Variants in PXDN observed in about 807,000 individuals in gnomAD.
The protein encoded by PXDN is peroxidasin homolog.
In PXDN, 77 loss-of-function variants were observed where a neutral mutation model predicts 140.3. That is an observed-to-expected ratio of 0.55 (90% CI 0.46 to 0.66). PXDN has a LOEUF of 0.66. Ranked by LOEUF, PXDN falls within the 30% of genes least tolerant of loss-of-function variation. The probability of loss-of-function intolerance (pLI) is 0.00; values close to 1 mark genes in which losing one functional copy is unlikely to be tolerated. For synonymous variants in PXDN, 911 were observed against 857.4 expected (o/e 1.06, Z -1.09); for missense variants, 1,838 against 2,039.5 (o/e 0.90, Z 1.90).
chr2:1,697,215 G>A (rs1684318259), intron 1 of PXDN, among the ~76,000 whole-genome samples: 2 of 152,148 alleles, frequency 1.3e-5, no homozygotes, highest in African/African-American at 2.4e-5. Flanking sequence ...AAGATATAAC[G>A]CAAATACACA....
chr2:1,738,774 C>T (rs1287494429), intron 1 of PXDN, among the ~76,000 whole-genome samples: 1 of 152,058 alleles, frequency 6.6e-6, no homozygotes, highest in African/African-American at 2.4e-5. Flanking sequence ...TTCGAACTCC[C>T]GAGCTCAGGC....
In PXDN at chr2:1,687,760, C is replaced by T. The variant is rs929640223; in HGVS notation, c.345-57G>A. ...CACAGACAGGAGGTCAAACTTCAGA[C>T]GGAAAAGAAGAATTAAATTGACACA... is the stretch of plus-strand genomic sequence containing the variant. On this transcript the variant is annotated intron_variant, in intron 3 of 22. Transcript: ENST00000252804. The surrounding 1 kb of genome is among the most constrained non-coding windows in gnomAD (Gnocchi z 4.0). 32 of 1,310,062 alleles carry T rather than the reference C, an allele frequency of 2.4e-5. No homozygotes were observed. Among genetic ancestry groups the T allele is most frequent in the East Asian group, 2.4e-4 (10 of 41,104 alleles). The allele number at this position is 1,310,062 out of a possible 1,614,324, so 81.2% of individuals were successfully genotyped here.
intron 9 of PXDN, 42 bp from the exon 10 acceptor site, chr2:1,666,528 T>C: frequency 2.6e-6 from 4 of 1,542,746 alleles, no homozygotes; most frequent in Non-Finnish European, 3.5e-6. Flanking sequence ...TTTCTCCCGG[T>C]TTGACATGGT....
At chr2:1,664,792 G>T (rs1447095487) in intron 11 of PXDN, 166 bp downstream of exon 11, 4 of 606,096 alleles carry the variant, frequency 6.6e-6, no homozygotes, top group East Asian at 2.8e-5. Context: ...AAGCCGCGGG[G>T]GATGTGCAGA....
At chr2:1,666,521 C>T (rs1368466165) in intron 9 of PXDN, 35 bp from the exon 10 acceptor site, 2 of 1,559,556 alleles carry the variant, frequency 1.3e-6, no homozygotes, top group Non-Finnish European at 1.7e-6. Context: ...CAATTAATTT[C>T]TCCCGGTTTG....
chr2:1,676,695 C>A, intron 8 of PXDN: 2 of 571,288 alleles, frequency 3.5e-6, no homozygotes, highest in East Asian at 2.9e-5. Context: ...CCAGGGCACC[C>A]CTGTGCTGCC....
intron 1 of PXDN, among the ~76,000 whole-genome samples, chr2:1,736,048 C>T (rs1685418646): frequency 6.6e-6 from 1 of 152,206 alleles, no homozygotes; most frequent in Non-Finnish European, 1.5e-5. Context: ...TCTCTGCTAG[C>T]TCCAAACGTT....
rs534103888 is a variant in PXDN, at chr2:1,632,264, G to A, written c.*1940C>T. The A allele has an allele frequency of 2.2e-4, 33 of 152,266 alleles. No individual in the cohort carries two copies. The highest frequency in any genetic ancestry group is 6.7e-4 in the African/African-American group (28 of 41,548). The allele number at this position is 152,266 out of a possible 1,614,324, so 9.4% of individuals were successfully genotyped here. A position where few individuals can be genotyped will look rare whatever the true frequency, so the allele number is the denominator to read the frequency against. The stretch of plus-strand genomic sequence containing the variant: ...TACGCAGGTGTGCTACAGGTGTGCC[G>A]CCTCAGCACTGAGACCATGAGGCCT... On this transcript the variant is annotated 3_prime_UTR_variant, in exon 23 of 23. Coordinates refer to ENST00000252804, the MANE Select transcript of PXDN (RefSeq NM_012293.3). The surrounding 1 kb of genome is among the most constrained non-coding windows in gnomAD (Gnocchi z 4.3).
intron 10 of PXDN, among the ~76,000 whole-genome samples, chr2:1,665,867 G>A (rs898046891): frequency 6.6e-6 from 1 of 152,186 alleles, no homozygotes; most frequent in Non-Finnish European, 1.5e-5. Context: ...CTGTCTGCAA[G>A]GTGTATCAAC....
At chr2:1,723,788 C>T (rs1685110857) in intron 1 of PXDN, among the ~76,000 whole-genome samples, 1 of 151,932 alleles carries the variant, frequency 6.6e-6, no homozygotes, top group East Asian at 1.9e-4. Context: ...GAAAATTATA[C>T]AATGAAAAAA....
chr2:1,654,923 G>A (rs936619447), intron 14 of PXDN, among the ~76,000 whole-genome samples: 5 of 151,906 alleles, frequency 3.3e-5, no homozygotes, highest in East Asian at 1.9e-4. Flanking sequence ...CCTGGACTCC[G>A]GGATCCTAAC....
At chr2:1,658,058 CT>C (rs1558494338) in intron 14 of PXDN, among the ~76,000 whole-genome samples, 10,512 of 126,858 alleles carry the variant, frequency 0.083, 1,880 homozygotes, top group East Asian at 0.14. Context: ...CTCTCTCTCT[CT>C]CTCTCTCTCT....
chr2:1,647,923 T>C (rs1171991643), intron 17 of PXDN, among the ~76,000 whole-genome samples: 3 of 152,126 alleles, frequency 2.0e-5, no homozygotes, highest in African/African-American at 7.2e-5. Flanking sequence ...AGCTCCTCTC[T>C]TGGAACAAAA....
In PXDN at chr2:1,651,464, C is replaced by T. The variant is rs148610984; in HGVS notation, c.2105-1789G>A. ...GAAAATGCATCAAACCATGTTGCTT[C>T]TCTGCAGGAAACCCTAAGGTTCCCA... On this transcript the variant is annotated intron_variant, in intron 16 of 22. Coordinates refer to ENST00000252804, the MANE Select transcript of PXDN (RefSeq NM_012293.3). This position sits in a 1 kb window ranked among gnomAD's most constrained non-coding sequence, Gnocchi z 4.4. 5.4e-4 allele frequency among the ~76,000 whole-genome samples: 83 copies of T among 152,312 alleles called. No individual in the cohort carries two copies. The East Asian group carries it at 0.011, about 21-fold the overall frequency.
intron 1 of PXDN, among the ~76,000 whole-genome samples, chr2:1,706,461 G>A (rs568468774): frequency 9.1e-4 from 139 of 152,012 alleles, no homozygotes; most frequent in African/African-American, 3.2e-3. Flanking sequence ...ACGCTGCAGT[G>A]TTCACCAATC....
intron 19 of PXDN, among the ~76,000 whole-genome samples, chr2:1,640,873 G>A (rs1682710605): frequency 6.6e-6 from 1 of 152,166 alleles, no homozygotes; most frequent in African/African-American, 2.4e-5. Context: ...GCACTGTGGG[G>A]TCCCTGCCAA....
intron 1 of PXDN, among the ~76,000 whole-genome samples, chr2:1,723,010 T>C (rs905620818): frequency 1.3e-5 from 2 of 152,136 alleles, no homozygotes; most frequent in Non-Finnish European, 2.9e-5. Context: ...AGGTGGGTGA[T>C]TATGGATGAA....
At chr2:1,743,703 GGA>G (rs1558536435) in intron 1 of PXDN, among the ~76,000 whole-genome samples, 3 of 57,818 alleles carry the variant, frequency 5.2e-5, no homozygotes, top group East Asian at 1.2e-3. Context: ...AGGAGGAAGG[GGA>G]GGAGGAGGAG....
chr2:1,692,419 AGC>A (rs1684202626), intron 2 of PXDN: 8 of 451,198 alleles, frequency 1.8e-5, no homozygotes, highest in African/African-American at 8.0e-5. Flanking sequence ...GCTCCATTCG[AGC>A]GCACAGACAA....
Sources: allele counts gnomAD v4.1 joint callset (sites outside exome capture counted in the v4.1 genomes callset), GRCh38; gene constraint gnomAD v4.1.1; non-coding constraint Gnocchi (gnomAD v3.1); transcripts MANE v1.5; gene names NCBI Gene and HGNC (gene_info 2026-07-23, HGNC 2026-07-21).